The following RAB11FIP4 variants were observed in gnomAD, a reference collection of about 807,000 sequenced individuals.
RAB11FIP4 encodes the protein RAB11 family interacting protein 4.
A neutral mutation model predicts 74.3 loss-of-function variants in RAB11FIP4; 23 were observed. The ratio of observed to expected loss-of-function variants is 0.31; its 90% CI spans 0.22 to 0.44. The LOEUF is 0.44. RAB11FIP4 is among the 20% of genes least tolerant of loss of function. The pLI, the probability that RAB11FIP4 is intolerant of heterozygous loss-of-function variation, is 1.00. For synonymous variants in RAB11FIP4, 360 were observed against 359.9 expected, an observed-to-expected ratio of 1.00 and a Z score of 0.00; for missense variants, 630 against 863.9, an observed-to-expected ratio of 0.73 and a Z score of 3.39.
Position 31,517,794 on chromosome 17 carries a change from G to A in RAB11FIP4, c.480G>A (p.Glu160=). 5 of 1,556,024 alleles carry A rather than the reference G, an allele frequency of 3.2e-6. No homozygotes were observed. Among genetic ancestry groups the A allele is most frequent in the Non-Finnish European group, 4.4e-6 (5 of 1,149,208 alleles). Residue 160 remains glutamate, a synonymous_variant, in exon 4 of 15, where the codon GAG becomes GAA. Transcript: ENST00000621161. ...PQELYTDSPM[E]STQSLEGSVG... is the part of the protein sequence containing the mutation. ...AGTTGTACACAGACAGCCCCATGGA[G>A]AGCACTCAGAGCCTGGAGGGGTCTG...
chr17:31,453,809 A>G (rs1234442685), intron 3 of RAB11FIP4, among the ~76,000 whole-genome samples: 2 of 151,480 alleles, frequency 1.3e-5, no homozygotes, highest in East Asian at 1.9e-4. Flanking sequence ...AAAAAAAAAA[A>G]AAAAGAAAGA....
At chr17:31,501,191 C>CTT (rs200653351) in intron 3 of RAB11FIP4, among the ~76,000 whole-genome samples, 17,332 of 145,478 alleles carry the variant, frequency 0.12, 1,265 homozygotes, top group South Asian at 0.25. Flanking sequence ...GAGAATACAA[C>CTT]TTTTTTTTTT....
chr17:31,400,633 G>A (rs1337319950), intron 1 of RAB11FIP4, among the ~76,000 whole-genome samples: 5 of 152,262 alleles, frequency 3.3e-5, no homozygotes, highest in African/African-American at 1.2e-4. Flanking sequence ...AGGAGCAGAG[G>A]AGAAGCCGTG....
At chr17:31,523,840 C>A in intron 8 of RAB11FIP4, 53 bp from the exon 9 acceptor site, 1 of 1,383,150 alleles carries the variant, frequency 7.2e-7, no homozygotes, top group East Asian at 2.3e-5. Flanking sequence ...TCGAGGTTCT[C>A]GGTTCTGTGG....
chr17:31,522,277 A>G (rs2072682118), intron 6 of RAB11FIP4, 83 bp from the exon 7 acceptor site: 2 of 1,439,466 alleles, frequency 1.4e-6, no homozygotes, highest in Non-Finnish European at 1.9e-6. Flanking sequence ...CTTGTCCTGC[A>G]CTGTGGTGTC....
At chr17:31,490,169 A>C (rs2071981489) in intron 3 of RAB11FIP4, among the ~76,000 whole-genome samples, 1 of 152,032 alleles carries the variant, frequency 6.6e-6, no homozygotes, top group Admixed American at 6.5e-5. Context: ...CCTCCCGACC[A>C]TCTGTGCCAC....
chr17:31,474,294 A>G (rs1212403747), intron 3 of RAB11FIP4, among the ~76,000 whole-genome samples: 4 of 152,102 alleles, frequency 2.6e-5, no homozygotes, highest in African/African-American at 7.2e-5. Flanking sequence ...GCTAGGTGAG[A>G]AGGGAAGAGG....
At chr17:31,402,502 CTT>C (rs992299557) in intron 1 of RAB11FIP4, among the ~76,000 whole-genome samples, 1 of 152,112 alleles carries the variant, frequency 6.6e-6, no homozygotes, top group Non-Finnish European at 1.5e-5. Context: ...GGAATCAACT[CTT>C]TTTTATGATT....
At chr17:31,396,740 C>T (rs1212088516) in intron 1 of RAB11FIP4, among the ~76,000 whole-genome samples, 1 of 152,166 alleles carries the variant, frequency 6.6e-6, no homozygotes, top group African/African-American at 2.4e-5. Context: ...TGTCCTGGAC[C>T]ACACTTCCCT....
chr17:31,521,012 T>C, intron 4 of RAB11FIP4, 154 bp from the exon 5 acceptor site: 1 of 544,952 alleles, frequency 1.8e-6, no homozygotes, highest in East Asian at 3.0e-5. Context: ...TGTTTCCCTT[T>C]AGATAGGGTC....
chr17:31,527,557 T>TGGG (rs1200468513), intron 10 of RAB11FIP4: 1 of 329,660 alleles, frequency 3.0e-6, no homozygotes, highest in Non-Finnish European at 5.5e-6. Flanking sequence ...TTGTGCCACC[T>TGGG]CACTCCAGCC....
chr17:31,458,151 G>C (rs2071597911), intron 3 of RAB11FIP4, among the ~76,000 whole-genome samples: 1 of 152,210 alleles, frequency 6.6e-6, no homozygotes, highest in Non-Finnish European at 1.5e-5. Flanking sequence ...AGTGTGCAGG[G>C]CCAGGATTTT....
intron 1 of RAB11FIP4, among the ~76,000 whole-genome samples, chr17:31,395,739 G>A (rs1369033871): frequency 2.0e-5 from 3 of 152,164 alleles, no homozygotes; most frequent in African/African-American, 7.2e-5. Flanking sequence ...GTGGTGTCCT[G>A]GATGGGACCC....
intron 1 of RAB11FIP4, among the ~76,000 whole-genome samples, chr17:31,394,397 A>G (rs1031557753): frequency 1.1e-4 from 17 of 152,048 alleles, no homozygotes; most frequent in African/African-American, 4.1e-4. Context: ...AGATTTCCCT[A>G]TTTGACCCCA....
intron 1 of RAB11FIP4, among the ~76,000 whole-genome samples, chr17:31,406,276 C>T (rs1021458586): frequency 2.6e-5 from 4 of 152,246 alleles, no homozygotes; most frequent in African/African-American, 4.8e-5. Context: ...CTGCTCCCAG[C>T]GCAGGCGCTC....
In RAB11FIP4 at chr17:31,530,328, G is replaced by C. The variant is rs200996769; in HGVS notation, c.1656G>C (p.Glu552Asp). The change falls in exon 14 of 15, where the codon GAG becomes GAC. Residue 552 changes from glutamate to aspartate, a missense_variant and splice_region_variant. Glu to Asp is a conservative substitution (Grantham distance 45). Coordinates refer to ENST00000621161, the MANE Select transcript of RAB11FIP4 (RefSeq NM_032932.6). ...CGCCTTCGTCCTTCTCTCTGTAGGAGAATTATAAGCTGCGGGATCAGAACG... is the reference window on the plus strand; with the variant it reads ...CGCCTTCGTCCTTCTCTCTGTAGGACAATTATAAGCTGCGGGATCAGAACG... ...LEHEVKRLKQ[E>D]NYKLRDQNDD... 158 of 1,614,080 alleles carry C rather than the reference G, an allele frequency of 9.8e-5. No homozygotes were observed. In the Middle Eastern group the frequency reaches 2.8e-3, roughly 29 times the overall value.
At chr17:31,454,056 T>C (rs80091425) in intron 3 of RAB11FIP4, among the ~76,000 whole-genome samples, 3,309 of 142,570 alleles carry the variant, frequency 0.023, 113 homozygotes, top group African/African-American at 0.08. Context: ...AGTCAGCCCC[T>C]GGGCATTCTC....
chr17:31,421,986 C>T (rs1451691020), intron 1 of RAB11FIP4, among the ~76,000 whole-genome samples: 1 of 152,062 alleles, frequency 6.6e-6, no homozygotes, highest in Admixed American at 6.5e-5. Context: ...TCGAGACCAG[C>T]CTGGGCAACA....
At chr17:31,454,124 C>T (rs2071555183) in intron 3 of RAB11FIP4, among the ~76,000 whole-genome samples, 1 of 152,122 alleles carries the variant, frequency 6.6e-6, no homozygotes. Flanking sequence ...CTGGCCTGAT[C>T]ACATGAAAAC....
Sources: gnomAD v4.1 joint callset for allele counts (sites outside exome capture counted in the v4.1 genomes callset) on GRCh38, gnomAD v4.1.1 for gene constraint, MANE v1.5 for transcripts, NCBI Gene and HGNC (gene_info 2026-07-23, HGNC 2026-07-21) for gene names.